SLIT3: variants seen among roughly 807,000 people sequenced by gnomAD.
SLIT3 encodes slit homolog 3 protein.
In SLIT3, 68 loss-of-function variants were observed where a neutral mutation model predicts 184.0. The observed-to-expected ratio is 0.37, with a 90% confidence interval of 0.30 to 0.45. The LOEUF (loss-of-function observed/expected upper bound fraction) is 0.45, where lower values mean the gene tolerates loss of function less well. Ranked by LOEUF, SLIT3 falls within the 20% of genes least tolerant of loss-of-function variation. SLIT3 has a pLI of 1.00. For synonymous variants in SLIT3, 831 were observed against 828.6 expected (o/e 1.00, Z -0.05); for missense variants, 1,707 against 2,026.0 (o/e 0.84, Z 3.02).
chr5:168,857,104 G>C (rs980558570), intron 5 of SLIT3, among the ~76,000 whole-genome samples: 1 of 151,994 alleles, frequency 6.6e-6, no homozygotes, highest in Non-Finnish European at 1.5e-5. Flanking sequence ...ACATCTGGGG[G>C]GCCCACAGAG....
chr5:169,122,188 G>A (rs1760905797), intron 4 of SLIT3, among the ~76,000 whole-genome samples: 1 of 152,196 alleles, frequency 6.6e-6, no homozygotes, highest in Non-Finnish European at 1.5e-5. Flanking sequence ...AACTCAAAGT[G>A]AAGGCTGTCA....
At chr5:168,772,984 G>A (rs780413450) in intron 13 of SLIT3, 40 bp from the exon 14 acceptor site, 41 of 1,546,736 alleles carry the variant, frequency 2.7e-5, no homozygotes, top group Non-Finnish European at 3.4e-5. Context: ...AGTGACCCAC[G>A]GCGTCTTGCT....
At chr5:168,778,221 T>G (rs1203653168) in intron 12 of SLIT3, among the ~76,000 whole-genome samples, 2 of 152,188 alleles carry the variant, frequency 1.3e-5, no homozygotes, top group East Asian at 3.8e-4. Flanking sequence ...CTATCTTATG[T>G]AACCCCCACA....
intron 28 of SLIT3, among the ~76,000 whole-genome samples, chr5:168,693,779 T>C (rs1177528699): frequency 6.6e-6 from 1 of 152,144 alleles, no homozygotes; most frequent in Non-Finnish European, 1.5e-5. Flanking sequence ...TTCTTTGCTA[T>C]GGTGGGGAGA....
chr5:169,158,634 G>T (rs1762382591), intron 4 of SLIT3, among the ~76,000 whole-genome samples: 2 of 152,108 alleles, frequency 1.3e-5, no homozygotes, highest in African/African-American at 4.8e-5. Flanking sequence ...GTCTGGTGTG[G>T]TTTTCCAGTT....
At chr5:168,669,313 G>T (rs573527185) in intron 35 of SLIT3, among the ~76,000 whole-genome samples, 2 of 152,204 alleles carry the variant, frequency 1.3e-5, no homozygotes, top group Admixed American at 1.3e-4. Context: ...CTGCCCTGGC[G>T]CAAGGACCCT....
chr5:168,683,262 A>C lies in SLIT3; in HGVS notation c.3686+704T>G, dbSNP rs552498197. ...GAACCTGTAATTAATCCTAGTTACTAGGGAGGCTGAGGCGGGAGAATTGCT... is the reference window on the plus strand; with the variant it reads ...GAACCTGTAATTAATCCTAGTTACTCGGGAGGCTGAGGCGGGAGAATTGCT... On this transcript the variant is annotated intron_variant, in intron 32 of 35. Transcript: ENST00000519560. Among the ~76,000 whole-genome samples the C allele has an allele frequency of 4.0e-5, 6 of 150,762 alleles. No homozygotes were observed. The East Asian group carries it at 1.2e-3, about 30-fold the overall frequency.
intron 4 of SLIT3, among the ~76,000 whole-genome samples, chr5:168,986,603 G>C (rs918023585): frequency 6.6e-6 from 1 of 152,110 alleles, no homozygotes; most frequent in Non-Finnish European, 1.5e-5. Flanking sequence ...GGACCATCCA[G>C]GCATGCTGTG....
At chr5:169,146,907 A>G (rs931873849) in intron 4 of SLIT3, among the ~76,000 whole-genome samples, 4 of 152,198 alleles carry the variant, frequency 2.6e-5, no homozygotes, top group Non-Finnish European at 4.4e-5. Context: ...CTTAGCTTCT[A>G]TGTGCCTTAA....
intron 32 of SLIT3, among the ~76,000 whole-genome samples, chr5:168,675,567 A>G (rs1181693719): frequency 6.6e-6 from 1 of 152,196 alleles, no homozygotes; most frequent in Non-Finnish European, 1.5e-5. Flanking sequence ...GGTACGTGAA[A>G]GTGCTTTGTA....
intron 4 of SLIT3, among the ~76,000 whole-genome samples, chr5:169,117,584 C>T (rs1237070741): frequency 6.6e-6 from 1 of 152,148 alleles, no homozygotes; most frequent in African/African-American, 2.4e-5. Flanking sequence ...CCCAGCTCTA[C>T]CTCAAAGTTT....
intron 4 of SLIT3, among the ~76,000 whole-genome samples, chr5:169,131,989 C>A (rs1448782269): frequency 3.3e-5 from 5 of 152,178 alleles, no homozygotes; most frequent in Admixed American, 3.3e-4. Flanking sequence ...GTAGCCCAGG[C>A]AGACAGAAGG....
At chr5:169,141,844 G>A (rs1761753600) in intron 4 of SLIT3, among the ~76,000 whole-genome samples, 1 of 151,600 alleles carries the variant, frequency 6.6e-6, no homozygotes, top group South Asian at 2.1e-4. Context: ...AAGGTCAGGA[G>A]ATCGAGACCA....
intron 4 of SLIT3, among the ~76,000 whole-genome samples, chr5:169,101,975 T>C (rs1234539955): frequency 6.6e-6 from 1 of 152,210 alleles, no homozygotes; most frequent in East Asian, 1.9e-4. Context: ...GCACTGACCA[T>C]TCAGCGCCAC....
intron 4 of SLIT3, among the ~76,000 whole-genome samples, chr5:168,954,349 T>C (rs982771588): frequency 6.6e-6 from 1 of 151,970 alleles, no homozygotes; most frequent in African/African-American, 2.4e-5. Context: ...TAATCATTAA[T>C]ATATAATTAT....
At chr5:169,013,194 T>A (rs1744249084) in intron 4 of SLIT3, 1 of 152,274 alleles carries the variant, frequency 6.6e-6, no homozygotes, top group South Asian at 2.1e-4. Flanking sequence ...CCTTCTGTGA[T>A]GTCATAATCT....
chr5:168,823,783 A>C (rs1196643062), intron 6 of SLIT3, among the ~76,000 whole-genome samples: 1 of 152,176 alleles, frequency 6.6e-6, no homozygotes, highest in East Asian at 1.9e-4. Flanking sequence ...AGGCAAAATA[A>C]GTTTTCCAAG....
chr5:168,711,010 C>G lies in SLIT3; in HGVS notation c.2604G>C (p.Leu868=). ...PLHCDCSLRW[L]SEWVKAGYKE... is the part of the protein sequence containing the mutation. ...TGTACCCCGCCTTCACCCACTCCGACAGCCACCGAAGACTGCAGTCACAGT... is the reference window on the plus strand; with the variant it reads ...TGTACCCCGCCTTCACCCACTCCGAGAGCCACCGAAGACTGCAGTCACAGT... The change falls in exon 25 of 36, where the codon CTG becomes CTC. Residue 868 remains leucine (L), a synonymous_variant. Transcript: ENST00000519560. The G allele has an allele frequency of 6.3e-7, 1 of 1,582,542 alleles. No homozygotes were observed. Among genetic ancestry groups the G allele is most frequent in the Non-Finnish European group, 8.6e-7 (1 of 1,163,472 alleles).
At chr5:168,819,160 G>A (rs867505524) in intron 7 of SLIT3, among the ~76,000 whole-genome samples, 17 of 152,320 alleles carry the variant, frequency 1.1e-4, no homozygotes, top group East Asian at 1.9e-4. Context: ...CTTGCTCTTC[G>A]CCTGGACTCT....
Sources: gnomAD v4.1 joint callset for allele counts (sites outside exome capture counted in the v4.1 genomes callset) on GRCh38, gnomAD v4.1.1 for gene constraint, MANE v1.5 for transcripts, NCBI Gene and HGNC (gene_info 2026-07-23, HGNC 2026-07-21) for gene names.